Variants in FAM200B observed in about 807,000 individuals in gnomAD.
FAM200B encodes protein FAM200B.
A neutral mutation model predicts 33.1 loss-of-function variants in FAM200B; 32 were observed. The ratio of observed to expected loss-of-function variants is 0.97; its 90% CI spans 0.73 to 1.30. FAM200B has a LOEUF of 1.30. Ranked by LOEUF, FAM200B falls within the 50% of genes most tolerant of loss-of-function variation. The pLI, the probability that FAM200B is intolerant of heterozygous loss-of-function variation, is 0.00. For missense variants in FAM200B, 741 were observed against 754.0 expected (o/e 0.98, Z 0.20); for synonymous variants, 240 against 264.8 (o/e 0.91, Z 0.91).
chr4:15,658,768 C>G, the FAM200B span, among the ~76,000 whole-genome samples: 1 of 152,150 alleles, frequency 6.6e-6, no homozygotes, highest in Non-Finnish European at 1.5e-5. Context: ...CAGGCACATA[C>G]AGGATGATGT....
rs1719182656 is a variant in FAM200B, at chr4:15,689,169, AC to A, written c.*219del. ...AGAGACATTTGGGATACAAAAGTGA[AC>A]AAAACAGGTAATTCCCTAGTAGAGT... On this transcript the variant is annotated 3_prime_UTR_variant, in exon 2 of 2. Coordinates refer to ENST00000422728, the MANE Select transcript of FAM200B (RefSeq NM_001145191.2). 2.6e-6 allele frequency: 1 copy of A among 387,106 alleles called. No homozygotes were observed. The highest frequency in any genetic ancestry group is 4.7e-6 in the Non-Finnish European group (1 of 213,382). 24.0% of individuals were successfully genotyped at this position (387,106 alleles called of 1,614,324 possible). A position where few individuals can be genotyped will look rare whatever the true frequency, so the allele number is the denominator to read the frequency against.
At chr4:15,640,710 AT>A in the FAM200B span, 2 of 737,878 alleles carry the variant, frequency 2.7e-6, no homozygotes, top group South Asian at 4.0e-5. Flanking sequence ...CCTATGCATT[AT>A]TTTGAAGAGT....
At chr4:15,649,578 C>CAAAAAAA in the FAM200B span, among the ~76,000 whole-genome samples, 8 of 81,334 alleles carry the variant, frequency 9.8e-5, no homozygotes, top group Non-Finnish European at 1.7e-4. Context: ...GACTACGTCT[C>CAAAAAAA]AAAAAAAAAA....
At chr4:15,641,547 A>G in the FAM200B span, 3 of 447,378 alleles carry the variant, frequency 6.7e-6, no homozygotes, top group Non-Finnish European at 1.3e-5. Flanking sequence ...TCCAGTATAT[A>G]TATTTTACAT....
chr4:15,661,928 A>C, the FAM200B span, among the ~76,000 whole-genome samples: 1 of 152,204 alleles, frequency 6.6e-6, no homozygotes, highest in Admixed American at 6.5e-5. Flanking sequence ...AGGCTGTTAG[A>C]ATAAGGACCT....
At chr4:15,666,023 T>TAA in the FAM200B span, among the ~76,000 whole-genome samples, 547 of 148,322 alleles carry the variant, frequency 3.7e-3, 3 homozygotes, top group Non-Finnish European at 3.1e-3. Context: ...AACCTTTTTT[T>TAA]AAAAAAAAAA....
At chr4:15,685,164 C>CCA (rs1321966884) in intron 1 of FAM200B, among the ~76,000 whole-genome samples, 1 of 151,934 alleles carries the variant, frequency 6.6e-6, no homozygotes, top group East Asian at 1.9e-4. Context: ...TAAAATGTAC[C>CCA]CAGGATTTAT....
upstream of FAM200B, among the ~76,000 whole-genome samples, chr4:15,677,980 T>C (rs1234175641): frequency 5.9e-5 from 9 of 152,168 alleles, no homozygotes; most frequent in African/African-American, 9.7e-5. Context: ...AGTAACGAAA[T>C]TGAATTGCAT....
chr4:15,675,464 T>A, the FAM200B span, among the ~76,000 whole-genome samples: 1 of 151,898 alleles, frequency 6.6e-6, no homozygotes, highest in Admixed American at 6.6e-5. Flanking sequence ...CCCCTCTAAC[T>A]ATTACTTTCA....
chr4:15,655,356 G>T, the FAM200B span: 1 of 1,194,916 alleles, frequency 8.4e-7, no homozygotes, highest in Middle Eastern at 3.3e-4. Flanking sequence ...TCGCCGCGGG[G>T]CAGAGGCGGC....
chr4:15,685,317 T>G (rs1718734330), intron 1 of FAM200B, among the ~76,000 whole-genome samples: 1 of 152,044 alleles, frequency 6.6e-6, no homozygotes, highest in African/African-American at 2.4e-5. Flanking sequence ...GCAGGGTCAA[T>G]GGGGAGAGGA....
At chr4:15,684,712 C>T (rs1469816000) in intron 1 of FAM200B, 5 of 152,172 alleles carry the variant, frequency 3.3e-5, no homozygotes, top group African/African-American at 1.2e-4. Context: ...TTGCCTTTAG[C>T]AGTGTAGTTC....
the FAM200B span, chr4:15,638,726 T>A: frequency 7.2e-7 from 1 of 1,388,248 alleles, no homozygotes; most frequent in Non-Finnish European, 1.0e-6. Flanking sequence ...CGAGGAAAGA[T>A]GCTTCATTCG....
chr4:15,687,991 T>A lies in FAM200B; in HGVS notation c.1014T>A (p.Ile338=). The change falls in exon 2 of 2, where the codon ATT becomes ATA. Residue 338 remains isoleucine, a synonymous_variant. Transcript: ENST00000422728. ...GTGAAGGTTTAGCATCCAGAGAAAT[T>A]CCACAGAATCTCATGGAGGTATTGA... ...IHREGLASRE[I]PQNLMEVLKN... 3 of 1,551,206 alleles carry A rather than the reference T, an allele frequency of 1.9e-6. No individual in the cohort carries two copies. The highest frequency in any genetic ancestry group is 1.7e-6 in the Non-Finnish European group (2 of 1,146,644).
At chr4:15,666,942 G>A in the FAM200B span, among the ~76,000 whole-genome samples, 1 of 150,792 alleles carries the variant, frequency 6.6e-6, no homozygotes, top group Non-Finnish European at 1.5e-5. Context: ...CCACATTGTA[G>A]ACATATATCA....
At chr4:15,669,792 A>G in the FAM200B span, among the ~76,000 whole-genome samples, 78 of 152,328 alleles carry the variant, frequency 5.1e-4, no homozygotes, top group African/African-American at 1.8e-3. Flanking sequence ...TCCAAAGACA[A>G]TATCTAAGTA....
chr4:15,678,532 C>G (rs1373424583), upstream of FAM200B, among the ~76,000 whole-genome samples: 1 of 152,162 alleles, frequency 6.6e-6, no homozygotes, highest in Non-Finnish European at 1.5e-5. Flanking sequence ...CATAGGTATA[C>G]TAAATATACA....
At chr4:15,649,578 C>T in the FAM200B span, among the ~76,000 whole-genome samples, 1 of 81,354 alleles carries the variant, frequency 1.2e-5, no homozygotes, top group African/African-American at 4.4e-5. Context: ...GACTACGTCT[C>T]AAAAAAAAAA....
In FAM200B at chr4:15,688,028, A is replaced by G. The variant is rs1391814690; in HGVS notation, c.1051A>G (p.Lys351Glu). The G allele has an allele frequency of 5.2e-6, 8 of 1,551,126 alleles. No individual in the cohort carries two copies. The highest frequency in any genetic ancestry group is 4.8e-5 in the South Asian group (4 of 84,000). The change falls in exon 2 of 2, where the codon AAA becomes GAA. Residue 351 changes from lysine (K) to glutamate (E), a missense_variant. By Grantham distance (56) the Lys-to-Glu change is moderately conservative. Coordinates refer to ENST00000422728, the MANE Select transcript of FAM200B (RefSeq NM_001145191.2). ...NLMEVLKNAV[K>E]VVNFIKGSSL... is the part of the protein sequence containing the mutation. ...CATGGAGGTATTGAAAAATGCAGTG[A>G]AAGTTGTTAATTTTATTAAAGGAAG...
Sources: allele counts gnomAD v4.1 joint callset (sites outside exome capture counted in the v4.1 genomes callset), GRCh38; gene constraint gnomAD v4.1.1; transcripts MANE v1.5; gene names NCBI Gene and HGNC (gene_info 2026-07-23, HGNC 2026-07-21).